AZIN1: variants seen among roughly 807,000 people sequenced by gnomAD.
The protein encoded by AZIN1 is ornithine decarboxylase antizyme inhibitor.
In AZIN1, 12 loss-of-function variants were observed where a neutral mutation model predicts 47.4. The observed-to-expected ratio is 0.25, with a 90% CI of 0.16 to 0.41. The LOEUF is 0.41. Ranked by LOEUF, AZIN1 falls within the 10% of genes least tolerant of loss-of-function variation. The pLI, the probability that AZIN1 is intolerant of heterozygous loss-of-function variation, is 1.00. For missense variants in AZIN1, 410 were observed against 532.4 expected (o/e 0.77, Z 2.26); for synonymous variants, 155 against 176.3 (o/e 0.88, Z 0.96).
chr8:102,853,457 G>A (rs1586199300), intron 2 of AZIN1, among the ~76,000 whole-genome samples: 3 of 152,108 alleles, frequency 2.0e-5, no homozygotes, highest in South Asian at 4.1e-4. Context: ...AGCTGAAATC[G>A]CGCCACTGCA....
intron 6 of AZIN1, 67 bp downstream of exon 6, chr8:102,836,189 A>G (rs955294529): frequency 1.5e-5 from 22 of 1,486,110 alleles, no homozygotes; most frequent in Non-Finnish European, 1.9e-5. Flanking sequence ...TCTTAAATCA[A>G]TAACCAGAAA....
At chr8:102,839,477 T>C (rs1812036756) in intron 4 of AZIN1, among the ~76,000 whole-genome samples, 173 bp downstream of exon 4, 1 of 152,212 alleles carries the variant, frequency 6.6e-6, no homozygotes, top group Admixed American at 6.5e-5. Flanking sequence ...TTCCCTTTCA[T>C]TGGTGCACTT....
intron 9 of AZIN1, among the ~76,000 whole-genome samples, chr8:102,831,893 T>A (rs1811485847): frequency 6.6e-6 from 1 of 152,130 alleles, no homozygotes; most frequent in Admixed American, 6.6e-5. Context: ...AGGTGGAGAC[T>A]GCAATGAGCC....
intron 2 of AZIN1, among the ~76,000 whole-genome samples, chr8:102,847,405 GCT>G (rs1287914443): frequency 6.6e-6 from 1 of 150,474 alleles, no homozygotes; most frequent in African/African-American, 2.4e-5. Context: ...TTTCTTTGAT[GCT>G]CTCTTGAAGG....
intron 2 of AZIN1, among the ~76,000 whole-genome samples, chr8:102,857,575 T>A (rs573573618): frequency 6.6e-6 from 1 of 152,120 alleles, no homozygotes; most frequent in African/African-American, 2.4e-5. Context: ...TTTAATACCA[T>A]ATACATATTT....
chr8:102,836,121 C>T lies in AZIN1; in HGVS notation c.584+135G>A, dbSNP rs1330444359. 9.5e-6 allele frequency: 9 copies of T among 948,454 alleles called. No individual in the cohort carries two copies. In the Admixed American group the frequency reaches 1.0e-4, roughly 11 times the overall value. The allele number at this position is 948,454 out of a possible 1,614,324, so 58.8% of individuals were successfully genotyped here. ...TTTTGCCTAAACTAAGAAGAAAACA[C>T]ATACATGTGTGTTAAAAGACTAGAA... On this transcript the variant is annotated intron_variant, in intron 6 of 11. Transcript: ENST00000337198.
chr8:102,836,034 A>G (rs1042018926), intron 6 of AZIN1, among the ~76,000 whole-genome samples: 4 of 152,166 alleles, frequency 2.6e-5, no homozygotes, highest in Admixed American at 1.3e-4. Context: ...TATTCTTTTT[A>G]TTGTGGGGAA....
intron 1 of AZIN1, among the ~76,000 whole-genome samples, chr8:102,863,066 A>T (rs1813822079): frequency 6.6e-6 from 1 of 152,206 alleles, no homozygotes; most frequent in South Asian, 2.1e-4. Context: ...AGTGAAGGCG[A>T]CTTGACCCAA....
chr8:102,861,233 T>C (rs1813629049), intron 1 of AZIN1, among the ~76,000 whole-genome samples: 1 of 152,128 alleles, frequency 6.6e-6, no homozygotes, highest in Non-Finnish European at 1.5e-5. Flanking sequence ...ATTATTATTA[T>C]TATTTTTTGA....
At position 102,829,472 on chromosome 8, in the gene AZIN1, A is replaced by G; in HGVS notation, c.1035T>C (p.Asp345=). ...IPEVHKKYKE[D]EPLFTSSLWG... is the part of the protein sequence containing the mutation. The stretch of plus-strand genomic sequence containing the variant: ...AAAGGCTGCTTGTAAACAGAGGCTC[A>G]TCTTCCTTGTATTTCTGTAGGAAAA... Residue 345 remains aspartate (D), a synonymous_variant, in exon 11 of 12, where the codon GAT becomes GAC. Coordinates refer to ENST00000337198, the MANE Select transcript of AZIN1 (RefSeq NM_148174.4). 6.2e-7 allele frequency: 1 copy of G among 1,604,878 alleles called. No homozygotes were observed. The highest frequency in any genetic ancestry group is 8.5e-7 in the Non-Finnish European group (1 of 1,177,168).
At chr8:102,848,890 T>C (rs1812751095) in intron 2 of AZIN1, among the ~76,000 whole-genome samples, 1 of 152,184 alleles carries the variant, frequency 6.6e-6, no homozygotes, top group East Asian at 1.9e-4. Flanking sequence ...CGACAATATG[T>C]CAAACCAAAA....
At chr8:102,862,678 A>C (rs571194865) in intron 1 of AZIN1, among the ~76,000 whole-genome samples, 1 of 152,232 alleles carries the variant, frequency 6.6e-6, no homozygotes, top group African/African-American at 2.4e-5. Flanking sequence ...TTCGCTGAGC[A>C]CAAGGCAATT....
intron 2 of AZIN1, among the ~76,000 whole-genome samples, chr8:102,849,567 A>T (rs202208370): frequency 1.3e-5 from 2 of 152,308 alleles, no homozygotes; most frequent in East Asian, 3.9e-4. Context: ...TAAATCTTAG[A>T]TTCTCTTCAT....
chr8:102,838,438 G>A (rs1811961839), intron 5 of AZIN1, among the ~76,000 whole-genome samples: 1 of 152,060 alleles, frequency 6.6e-6, no homozygotes, highest in African/African-American at 2.4e-5. Context: ...CAAAGTTATA[G>A]AAATAATGAA....
intron 2 of AZIN1, among the ~76,000 whole-genome samples, chr8:102,846,168 G>C (rs1050735749): frequency 1.3e-5 from 2 of 152,110 alleles, no homozygotes; most frequent in African/African-American, 2.4e-5. Context: ...GTCAGGATAA[G>C]ATAAACCTCC....
chr8:102,833,552 AGAAG>A (rs1347736721), intron 8 of AZIN1, among the ~76,000 whole-genome samples: 1 of 152,026 alleles, frequency 6.6e-6, no homozygotes, highest in Non-Finnish European at 1.5e-5. Context: ...TAGATATCAC[AGAAG>A]GAAGGAGGGC....
intron 1 of AZIN1, chr8:102,858,984 T>A (rs560694613): frequency 6.6e-6 from 1 of 152,168 alleles, no homozygotes; most frequent in Non-Finnish European, 1.5e-5. Flanking sequence ...CAGTGTTTGC[T>A]AGAAAGGGGT....
chr8:102,862,921 A>C (rs1223843984), intron 1 of AZIN1, among the ~76,000 whole-genome samples: 1 of 152,146 alleles, frequency 6.6e-6, no homozygotes, highest in Non-Finnish European at 1.5e-5. Flanking sequence ...ACCACCACCA[A>C]CTGTTGGCAG....
chr8:102,836,483 T>C (rs1426870964), intron 5 of AZIN1, 93 bp from the exon 6 acceptor site: 36 of 1,367,632 alleles, frequency 2.6e-5, no homozygotes, highest in Non-Finnish European at 3.6e-5. Context: ...GTTGATTATG[T>C]TGCCAGTGCT....
Sources: allele counts gnomAD v4.1 joint callset (sites outside exome capture counted in the v4.1 genomes callset), GRCh38; gene constraint gnomAD v4.1.1; transcripts MANE v1.5; gene names NCBI Gene and HGNC (gene_info 2026-07-23, HGNC 2026-07-21).